The following MYO9A variants were observed in gnomAD, a reference collection of about 807,000 sequenced individuals.
The protein encoded by MYO9A is unconventional myosin-IXa.
A neutral mutation model predicts 293.3 loss-of-function variants in MYO9A; 103 were observed. The ratio of observed to expected loss-of-function variants is 0.35; its 90% CI spans 0.30 to 0.41. The LOEUF (loss-of-function observed/expected upper bound fraction) is 0.41. Among genes scored for constraint, MYO9A ranks in the 10% least tolerant of loss-of-function variants. The pLI is 1.00. For synonymous variants in MYO9A, 1,001 were observed against 1,035.7 expected, an observed-to-expected ratio of 0.97 and a Z score of 0.64; for missense variants, 2,685 against 3,033.0, an observed-to-expected ratio of 0.89 and a Z score of 2.69.
intron 12 of MYO9A, among the ~76,000 whole-genome samples, chr15:71,969,028 G>C (rs910491770): frequency 6.6e-6 from 1 of 152,162 alleles, no homozygotes; most frequent in African/African-American, 2.4e-5. Flanking sequence ...TTTAGCATCA[G>C]ATAATCATAG....
chr15:71,925,343 A>G (rs991587215), intron 18 of MYO9A, among the ~76,000 whole-genome samples: 7 of 147,108 alleles, frequency 4.8e-5, no homozygotes, highest in African/African-American at 1.5e-4. Context: ...GTATATGTAC[A>G]TATATACTTA....
At chr15:71,857,673 G>A (rs1264590720) in intron 34 of MYO9A, among the ~76,000 whole-genome samples, 2 of 149,508 alleles carry the variant, frequency 1.3e-5, no homozygotes, top group East Asian at 3.9e-4. Context: ...TCAACATTAT[G>A]TTTGTATCGA....
chr15:72,062,098 T>TAC (rs1216809701), intron 1 of MYO9A, among the ~76,000 whole-genome samples: 8 of 152,224 alleles, frequency 5.3e-5, no homozygotes, highest in African/African-American at 1.9e-4. Flanking sequence ...ACCAAGGCAG[T>TAC]ACCTCTACGA....
intron 17 of MYO9A, among the ~76,000 whole-genome samples, chr15:71,934,786 C>CT (rs1167613386): frequency 0.092 from 5,685 of 62,014 alleles, 201 homozygotes; most frequent in East Asian, 0.17. Flanking sequence ...CTTTTCTTTT[C>CT]TTTTTTTTTT....
At chr15:71,992,510 TAAA>T (rs1442829932) in intron 10 of MYO9A, among the ~76,000 whole-genome samples, 3 of 152,146 alleles carry the variant, frequency 2.0e-5, no homozygotes, top group Non-Finnish European at 4.4e-5. Flanking sequence ...TCTAGGCCCT[TAAA>T]AAAATTAAAA....
chr15:71,887,946 A>G, intron 27 of MYO9A, 58 bp downstream of exon 27: 5 of 983,392 alleles, frequency 5.1e-6, no homozygotes, highest in South Asian at 1.6e-5. Flanking sequence ...GTACTTAACT[A>G]TAGTCAGTTA....
chr15:72,053,675 G>C lies in MYO9A; in HGVS notation c.-71-7041C>G, dbSNP rs376928252. On this transcript the variant is annotated intron_variant, in intron 1 of 41. Coordinates refer to ENST00000356056, the MANE Select transcript of MYO9A (RefSeq NM_006901.4). ...TGAGGGTGAAGGGTGGAAGGAAGGC[G>C]AGGATCGAAAAACTACCTATCGGGT... 2.0e-4 allele frequency among the ~76,000 whole-genome samples: 30 copies of C among 152,252 alleles called. No homozygotes were observed. In the South Asian group the frequency reaches 5.8e-3, roughly 29 times the overall value.
At chr15:71,855,617 C>G (rs892519067) in intron 34 of MYO9A, among the ~76,000 whole-genome samples, 3 of 152,120 alleles carry the variant, frequency 2.0e-5, no homozygotes, top group South Asian at 2.1e-4. Context: ...CCTTCCCTAA[C>G]TATATATTCC....
chr15:71,848,758 A>C, intron 39 of MYO9A, 87 bp downstream of exon 39: 1 of 1,397,770 alleles, frequency 7.2e-7, no homozygotes, highest in Non-Finnish European at 9.5e-7. Flanking sequence ...AAAGATTCTG[A>C]TAATAATCCT....
chr15:71,982,104 C>T (rs1001102447), intron 11 of MYO9A, among the ~76,000 whole-genome samples: 14 of 147,750 alleles, frequency 9.5e-5, no homozygotes, highest in African/African-American at 3.5e-4. Flanking sequence ...ACTGCAAGCT[C>T]CGCCTCGCGG....
At chr15:71,832,969 T>C (rs1372505828) in intron 39 of MYO9A, among the ~76,000 whole-genome samples, 1 of 151,724 alleles carries the variant, frequency 6.6e-6, no homozygotes, top group Non-Finnish European at 1.5e-5. Context: ...ATTTGGTTAA[T>C]GACTAAAATA....
At chr15:71,878,277 C>T (rs1039566022) in intron 30 of MYO9A, 46 bp from the exon 31 acceptor site, 24 of 1,324,544 alleles carry the variant, frequency 1.8e-5, no homozygotes, top group Non-Finnish European at 2.3e-5. Context: ...AAAGAAACTC[C>T]TTAAATATAG....
chr15:72,077,413 C>T (rs1055076972), intron 1 of MYO9A, among the ~76,000 whole-genome samples: 2 of 151,830 alleles, frequency 1.3e-5, no homozygotes, highest in Admixed American at 6.6e-5. Context: ...TTAAAGATGC[C>T]GGGCGCCATG....
At chr15:72,005,452 A>G (rs1161626676) in intron 8 of MYO9A, among the ~76,000 whole-genome samples, 1 of 152,198 alleles carries the variant, frequency 6.6e-6, no homozygotes, top group Non-Finnish European at 1.5e-5. Flanking sequence ...ATTAGCCACA[A>G]TGCCCTGTCA....
In MYO9A at chr15:71,904,972, T is replaced by C. The variant is rs1207947965; in HGVS notation, c.2720A>G (p.Gln907Arg). 2.5e-6 allele frequency: 4 copies of C among 1,606,292 alleles called. No individual in the cohort carries two copies. Among genetic ancestry groups the C allele is most frequent in the Non-Finnish European group, 1.7e-6 (2 of 1,174,912 alleles). The change falls in exon 20 of 42, where the codon CAA (glutamine) becomes CGA (arginine). Residue 907 changes from glutamine (Q) to arginine (R), a missense_variant. By Grantham distance (43) the Gln-to-Arg change is conservative. Transcript: ENST00000356056. ...SLSKLMETLG[Q>R]AEPYFVKCIR... ...GCATTTTACAAAATATGGTTCTGCT[T>C]GACCAAGTGTTTCCATTAGCTTGCT...
Position 72,020,989 on chromosome 15 carries a change from C to T in MYO9A, c.1027G>A (p.Ala343Thr). 1.3e-6 allele frequency: 2 copies of T among 1,554,572 alleles called. No homozygotes were observed. Among genetic ancestry groups the T allele is most frequent in the Non-Finnish European group, 1.7e-6 (2 of 1,158,602 alleles). ...RNYHVFYYLLAGASEDERSAF... is the reference protein window; with the variant it reads ...RNYHVFYYLLTGASEDERSAF... ...GATCTCTCATCTTCACTTGCTCCTGCCAGGAGGTAATAGAATACATGATAG... is the reference window on the plus strand; with the variant it reads ...GATCTCTCATCTTCACTTGCTCCTGTCAGGAGGTAATAGAATACATGATAG... Residue 343 changes from alanine (A) to threonine (T), a missense_variant, in exon 5 of 42, where the codon GCA becomes ACA. Physicochemically the swap from Ala to Thr is moderately conservative, Grantham distance 58. Coordinates refer to ENST00000356056, the MANE Select transcript of MYO9A (RefSeq NM_006901.4).
chr15:72,118,077 C>A lies in MYO9A; in HGVS notation c.-469G>T, dbSNP rs2081071024. 3 of 394,008 alleles carry A rather than the reference C, an allele frequency of 7.6e-6. No individual in the cohort carries two copies. The South Asian group carries it at 3.9e-4, about 51-fold the overall frequency. The allele number at this position is 394,008 out of a possible 1,614,324, so 24.4% of individuals were successfully genotyped here. A position where few individuals can be genotyped will look rare whatever the true frequency, so the allele number is the denominator to read the frequency against. ...CGCCGCGTCCCTTATCCGCTTCGGT[C>A]GCGCGCCCCCGACCCCGCGCACGCG... On this transcript the variant is annotated 5_prime_UTR_variant, in exon 1 of 42. Coordinates refer to ENST00000356056, the MANE Select transcript of MYO9A (RefSeq NM_006901.4).
intron 1 of MYO9A, among the ~76,000 whole-genome samples, chr15:72,103,468 C>CAGCAGA (rs138479297): frequency 0.022 from 3,229 of 147,268 alleles, 146 homozygotes; most frequent in East Asian, 0.15. Context: ...GAAGAAGCAG[C>CAGCAGA]AGCAGAAGCA....
intron 9 of MYO9A, 140 bp from the exon 10 acceptor site, chr15:71,994,725 T>A: frequency 1.8e-6 from 1 of 551,232 alleles, no homozygotes; most frequent in Non-Finnish European, 3.1e-6. Context: ...AAAAAATCTA[T>A]AACTAAAGTT....
Sources: gnomAD v4.1 joint callset for allele counts (sites outside exome capture counted in the v4.1 genomes callset) on GRCh38, gnomAD v4.1.1 for gene constraint, MANE v1.5 for transcripts, NCBI Gene and HGNC (gene_info 2026-07-23, HGNC 2026-07-21) for gene names.